KCNU1: variants seen among roughly 807,000 people sequenced by gnomAD.
KCNU1 encodes potassium calcium-activated channel subfamily U member 1.
In KCNU1, 93 loss-of-function variants were observed where a neutral mutation model predicts 126.8. That is an observed-to-expected ratio of 0.73 (90% CI 0.62 to 0.87). The LOEUF is 0.87. Among genes scored for constraint, KCNU1 ranks in the 40% least tolerant of loss-of-function variants. KCNU1 has a pLI of 0.00. For synonymous variants in KCNU1, 523 were observed against 494.2 expected (o/e 1.06, Z -0.77); for missense variants, 1,330 against 1,367.1 (o/e 0.97, Z 0.43).
chr8:36,911,261 C>G, intron 22 of KCNU1, 142 bp downstream of exon 22: 2 of 590,626 alleles, frequency 3.4e-6, no homozygotes, highest in Non-Finnish European at 5.6e-6. Flanking sequence ...CCTGAGAATC[C>G]CATAGTAGAA....
chr8:36,932,484 C>T (rs541088402), intron 25 of KCNU1, among the ~76,000 whole-genome samples: 3 of 151,946 alleles, frequency 2.0e-5, no homozygotes, highest in South Asian at 2.1e-4. Context: ...GGCTATAGCC[C>T]GAGAATAAGG....
chr8:36,921,680 A>C (rs1281825983), intron 23 of KCNU1, among the ~76,000 whole-genome samples: 1 of 130,188 alleles, frequency 7.7e-6, no homozygotes, highest in Non-Finnish European at 1.7e-5. Flanking sequence ...AAAAAAAAAA[A>C]GAAGAGTCTA....
Position 36,905,712 on chromosome 8 carries a change from C to A in KCNU1, c.2014C>A (p.Leu672Ile), listed in dbSNP as rs747733492. The A allele has an allele frequency of 8.3e-6, 13 of 1,571,200 alleles. No homozygotes were observed. The highest frequency in any genetic ancestry group is 1.7e-4 in the Middle Eastern group (1 of 5,984). ...CTCTCCATTCTTCCTATTTAGGACT[C>A]TTCAACATGATGTAGAACAAGATTC... ...SSISNFTTRT[L>I]QHDVEQDSDQ... The change falls in exon 20 of 27, where the codon CTT becomes ATT. Residue 672 changes from leucine (L) to isoleucine (I), a missense_variant. Coordinates refer to ENST00000399881, the MANE Select transcript of KCNU1 (RefSeq NM_001031836.3).
At chr8:36,889,389 T>A (rs1231259454) in intron 19 of KCNU1, 2 of 384,494 alleles carry the variant, frequency 5.2e-6, no homozygotes, top group Non-Finnish European at 1.1e-5. Context: ...CACCAGAGAT[T>A]AAGACAAATG....
chr8:36,803,359 AC>A (rs1397226956), intron 2 of KCNU1, among the ~76,000 whole-genome samples: 1 of 152,222 alleles, frequency 6.6e-6, no homozygotes. Context: ...ATGTTAAATT[AC>A]CTAAAATTAA....
chr8:36,912,620 G>C, intron 22 of KCNU1, among the ~76,000 whole-genome samples: 1 of 152,284 alleles, frequency 6.6e-6, no homozygotes, highest in Non-Finnish European at 1.5e-5. Context: ...GTGTGTGTGT[G>C]TGTGCATGTG....
chr8:36,935,045 C>G (rs1160217016), intron 26 of KCNU1, among the ~76,000 whole-genome samples: 3 of 152,086 alleles, frequency 2.0e-5, no homozygotes, highest in African/African-American at 4.8e-5. Flanking sequence ...ATGAAAATAC[C>G]TGAAATATAT....
chr8:36,852,718 A>G (rs527948835), intron 18 of KCNU1, among the ~76,000 whole-genome samples: 6 of 152,218 alleles, frequency 3.9e-5, no homozygotes, highest in African/African-American at 1.2e-4. Flanking sequence ...TATGATATGC[A>G]TAAGTATTGC....
At chr8:36,918,975 A>G in intron 23 of KCNU1, 78 bp downstream of exon 23, 1 of 940,470 alleles carries the variant, frequency 1.1e-6, no homozygotes, top group South Asian at 1.3e-5. Context: ...ATCTTTTTAG[A>G]ATGCACAATC....
intron 4 of KCNU1, among the ~76,000 whole-genome samples, chr8:36,805,508 C>A (rs1421896765): frequency 1.3e-5 from 2 of 152,162 alleles, no homozygotes; most frequent in East Asian, 3.9e-4. Flanking sequence ...GAAAGTAATT[C>A]TTTTGTTAAA....
chr8:36,894,688 T>G (rs949259408), intron 19 of KCNU1, among the ~76,000 whole-genome samples: 3 of 152,120 alleles, frequency 2.0e-5, no homozygotes, highest in Non-Finnish European at 4.4e-5. Context: ...CTGTGAATAG[T>G]CTGCATGGCA....
chr8:36,864,316 G>A (rs1240166697), intron 18 of KCNU1, 88 bp from the exon 19 acceptor site: 1 of 821,830 alleles, frequency 1.2e-6, no homozygotes, highest in Admixed American at 1.7e-5. Flanking sequence ...CTAGTCAAGG[G>A]TCTATAAATG....
At chr8:36,793,792 A>C (rs1392046983) in intron 2 of KCNU1, among the ~76,000 whole-genome samples, 1 of 152,160 alleles carries the variant, frequency 6.6e-6, no homozygotes, top group East Asian at 1.9e-4. Flanking sequence ...ATAGTGGCTC[A>C]CGCCTGTAAT....
intron 18 of KCNU1, 25 bp from the exon 19 acceptor site, chr8:36,864,379 C>A: frequency 7.5e-7 from 1 of 1,338,992 alleles, no homozygotes; most frequent in Non-Finnish European, 1.1e-6. Context: ...TGTGCCAACT[C>A]ACTGAGATTT....
chr8:36,810,632 T>C (rs1803677319), intron 7 of KCNU1, among the ~76,000 whole-genome samples: 1 of 152,190 alleles, frequency 6.6e-6, no homozygotes, highest in African/African-American at 2.4e-5. Context: ...CTCACCATCT[T>C]CCCATTCTCA....
At chr8:36,878,365 T>C (rs1210493442) in intron 19 of KCNU1, among the ~76,000 whole-genome samples, 2 of 152,170 alleles carry the variant, frequency 1.3e-5, no homozygotes, top group Non-Finnish European at 2.9e-5. Context: ...TCAGCTGCAC[T>C]CTACCACGGG....
intron 22 of KCNU1, among the ~76,000 whole-genome samples, chr8:36,916,992 T>A (rs1234087114): frequency 1.3e-5 from 2 of 152,198 alleles, no homozygotes; most frequent in Non-Finnish European, 2.9e-5. Context: ...AACCTCTCTT[T>A]GGATTTCCCC....
intron 2 of KCNU1, among the ~76,000 whole-genome samples, chr8:36,789,984 A>G (rs1802847337): frequency 6.6e-6 from 1 of 152,150 alleles, no homozygotes; most frequent in Admixed American, 6.5e-5. Flanking sequence ...GAGCTACAAG[A>G]CTCAAAGGGA....
chr8:36,925,927 C>G (rs1808515547), intron 24 of KCNU1, among the ~76,000 whole-genome samples: 1 of 152,156 alleles, frequency 6.6e-6, no homozygotes, highest in Non-Finnish European at 1.5e-5. Context: ...GGTCCTGGAG[C>G]TATGACCCCT....
Sources: allele counts gnomAD v4.1 joint callset (sites outside exome capture counted in the v4.1 genomes callset), GRCh38; gene constraint gnomAD v4.1.1; transcripts MANE v1.5; gene names NCBI Gene and HGNC (gene_info 2026-07-23, HGNC 2026-07-21).